The following MZT1 variants were observed in gnomAD, a reference collection of about 807,000 sequenced individuals.
MZT1 encodes the protein mitotic spindle organizing protein 1.
A neutral mutation model predicts 8.5 loss-of-function variants in MZT1; 8 were observed. The ratio of observed to expected loss-of-function variants is 0.94; its 90% CI spans 0.55 to 1.70. MZT1 has a LOEUF of 1.70. Among genes scored for constraint, MZT1 ranks in the 40% most tolerant of loss-of-function variants. MZT1 has a pLI of 0.00. For synonymous variants in MZT1, 38 were observed against 42.0 expected, an observed-to-expected ratio of 0.90 and a Z score of 0.37; for missense variants, 93 against 108.6, an observed-to-expected ratio of 0.86 and a Z score of 0.64.
At chr13:72,713,274 G>A (rs751155157) in intron 2 of MZT1, among the ~76,000 whole-genome samples, 13 of 152,224 alleles carry the variant, frequency 8.5e-5, no homozygotes, top group Admixed American at 5.9e-4. Context: ...ATCCCTTGTC[G>A]GAAATGCTTG....
intron 2 of MZT1, among the ~76,000 whole-genome samples, chr13:72,718,089 C>A (rs1425402710): frequency 6.6e-6 from 1 of 152,154 alleles, no homozygotes; most frequent in East Asian, 1.9e-4. Context: ...AGTTTGAAGG[C>A]CAGAAATCCA....
intron 2 of MZT1, 37 bp downstream of exon 2, chr13:72,718,915 C>T: frequency 8.6e-6 from 13 of 1,516,792 alleles, no homozygotes; most frequent in Non-Finnish European, 1.1e-5. Context: ...TAAATAAAAG[C>T]ATCTTTATTT....
At position 72,718,946 on chromosome 13, in the gene MZT1, T is replaced by G. The variant is rs369374753; in HGVS notation, c.225+6A>C. On this transcript the variant is annotated splice_donor_region_variant and intron_variant, in intron 2 of 2. Transcript: ENST00000377818. ...TATTTAGAATGAACTAATAGGAATC[T>G]CCAACCTTCAGTGCTTCAGTAGCCT... 8 of 1,560,780 alleles carry G rather than the reference T, an allele frequency of 5.1e-6. No individual in the cohort carries two copies. The African/African-American group carries it at 1.1e-4, about 22-fold the overall frequency.
At chr13:72,713,273 C>T (rs1040444879) in intron 2 of MZT1, among the ~76,000 whole-genome samples, 3 of 152,126 alleles carry the variant, frequency 2.0e-5, no homozygotes, top group Admixed American at 2.0e-4. Flanking sequence ...TATCCCTTGT[C>T]GGAAATGCTT....
rs1462054501 is a variant in MZT1, at chr13:72,709,458, C to A, written c.*864G>T. On this transcript the variant is annotated 3_prime_UTR_variant, in exon 3 of 3. Transcript: ENST00000377818. ...ATTTATTAGGTAAGCACTAAAATTA[C>A]TTTTATGTAATAAAAGTAAATAGGA... 2 of 151,954 alleles carry A rather than the reference C, an allele frequency of 1.3e-5. No individual in the cohort carries two copies. The highest frequency in any genetic ancestry group is 2.9e-5 in the Non-Finnish European group (2 of 67,914). 9.4% of individuals were successfully genotyped at this position (151,954 alleles called of 1,614,324 possible).
intron 2 of MZT1, among the ~76,000 whole-genome samples, chr13:72,715,143 C>T (rs900950976): frequency 3.3e-5 from 5 of 152,170 alleles, no homozygotes; most frequent in African/African-American, 1.2e-4. Context: ...TGGGAGCATA[C>T]CCCTCCCACC....
chr13:72,719,089 C>T lies in MZT1; in HGVS notation c.88G>A (p.Glu30Lys). 4 of 1,455,904 alleles carry T rather than the reference C, an allele frequency of 2.7e-6. No individual in the cohort carries two copies. Among genetic ancestry groups the T allele is most frequent in the Non-Finnish European group, 3.6e-6 (4 of 1,108,662 alleles). The allele number at this position is 1,455,904 out of a possible 1,614,324, so 90.2% of individuals were successfully genotyped here. A position where few individuals can be genotyped will look rare whatever the true frequency, so the allele number is the denominator to read the frequency against. Residue 30 changes from glutamate to lysine, a missense_variant, in exon 2 of 3, where the codon GAG becomes AAG. Transcript: ENST00000377818. ...AVRETMDVLL[E>K]ISRILNTGLD... ...CCAGTATTCAAAATTCTTGAAATCT[C>T]AAGCAGAACTGAAAAAAGATACAAA...
intron 2 of MZT1, among the ~76,000 whole-genome samples, chr13:72,714,514 G>A (rs1013201175): frequency 2.6e-5 from 4 of 152,180 alleles, no homozygotes; most frequent in African/African-American, 9.7e-5. Flanking sequence ...AAGATAATGG[G>A]TAAAAGGCCT....
Position 72,722,076 on chromosome 13 carries a change from G to A in MZT1, c.80-2979C>T, listed in dbSNP as rs146459940. On this transcript the variant is annotated intron_variant, in intron 1 of 2. Transcript: ENST00000377818. ...TTTCACAGCTGTTGTTCCTGCCTTC[G>A]TCTATTTAAGGCTATATTCTTAAAC... Among the ~76,000 whole-genome samples the A allele has an allele frequency of 7.7e-3, 1,169 of 152,162 alleles. 7 individuals are homozygous for A. Among genetic ancestry groups the A allele is most frequent in the Middle Eastern group, 0.024 (7 of 292 alleles).
chr13:72,721,906 T>C (rs1161398974), intron 1 of MZT1, among the ~76,000 whole-genome samples: 1 of 152,274 alleles, frequency 6.6e-6, no homozygotes, highest in African/African-American at 2.4e-5. Flanking sequence ...ACTGATACTT[T>C]GCTCTTCAGC....
intron 2 of MZT1, among the ~76,000 whole-genome samples, chr13:72,716,326 A>G (rs7324931): frequency 0.91 from 138,451 of 152,124 alleles, 64,071 homozygotes; most frequent in Non-Finnish European, 0.99. Context: ...GACTGGGGAG[A>G]GGGCAGAAGG....
intron 1 of MZT1, among the ~76,000 whole-genome samples, chr13:72,725,727 T>A (rs1340331769): frequency 6.6e-6 from 1 of 152,066 alleles, no homozygotes. Context: ...TTCTCAATTG[T>A]ACATCAGTGA....
In MZT1 at chr13:72,727,561, C is replaced by T. The variant is rs747619919; in HGVS notation, c.42G>A (p.Ala14=). The T allele has an allele frequency of 5.0e-6, 8 of 1,603,666 alleles. No homozygotes were observed. In the African/African-American group the frequency reaches 8.0e-5, roughly 16 times the overall value. The change falls in exon 1 of 3, where the codon GCG becomes GCA. Residue 14 remains alanine, a synonymous_variant. Coordinates refer to ENST00000377818, the MANE Select transcript of MZT1 (RefSeq NM_001071775.3). ...CCCGCACCGCATTCAGATTCGCCGC[C>T]GCGGCCGCCGCCGCCGCCCCAGCAC... The part of the protein sequence containing the change: ...SSGAGAAAAA[A]AANLNAVRET...
At chr13:72,720,227 T>G (rs1417399300) in intron 1 of MZT1, among the ~76,000 whole-genome samples, 4 of 152,218 alleles carry the variant, frequency 2.6e-5, no homozygotes, top group Non-Finnish European at 5.9e-5. Context: ...CCTTTATTCA[T>G]AGTAAATTCC....
intron 1 of MZT1, among the ~76,000 whole-genome samples, chr13:72,721,190 T>C (rs1332916279): frequency 6.6e-6 from 1 of 152,224 alleles, no homozygotes; most frequent in Non-Finnish European, 1.5e-5. Flanking sequence ...TATAATGAGA[T>C]ACCGTTATCT....
chr13:72,719,144 T>TA (rs750758598), intron 1 of MZT1, 47 bp from the exon 2 acceptor site: 2 of 1,421,942 alleles, frequency 1.4e-6, no homozygotes, highest in Non-Finnish European at 1.9e-6. Context: ...TTACAGCATT[T>TA]AAAAATATGC....
At chr13:72,726,744 G>GAAAAAAAAAAAAAAA (rs35019188) in intron 1 of MZT1, among the ~76,000 whole-genome samples, 2 of 132,142 alleles carry the variant, frequency 1.5e-5, no homozygotes, top group Non-Finnish European at 1.6e-5. Flanking sequence ...TTATTTTACA[G>GAAAAAAAAAAAAAAA]AAAAAAAAAA....
chr13:72,721,617 G>A (rs1031672951), intron 1 of MZT1, among the ~76,000 whole-genome samples: 1 of 152,316 alleles, frequency 6.6e-6, no homozygotes, highest in East Asian at 1.9e-4. Flanking sequence ...ACTTCAGTGT[G>A]TCCACTGGGT....
At chr13:72,724,924 C>T (rs1349782528) in intron 1 of MZT1, among the ~76,000 whole-genome samples, 7 of 148,318 alleles carry the variant, frequency 4.7e-5, no homozygotes, top group African/African-American at 1.5e-4. Context: ...TGGTGGCGGG[C>T]GCCTATAATC....
Sources: gnomAD v4.1 joint callset for allele counts (sites outside exome capture counted in the v4.1 genomes callset) on GRCh38, gnomAD v4.1.1 for gene constraint, MANE v1.5 for transcripts, NCBI Gene and HGNC (gene_info 2026-07-23, HGNC 2026-07-21) for gene names.